The following ANO2 variants were observed in gnomAD, a reference collection of about 807,000 sequenced individuals.
ANO2 encodes anoctamin 2.
ANO2 carries 101 observed loss-of-function variants against 124.2 expected under a neutral mutation model. The observed-to-expected ratio is 0.81, with a 90% CI of 0.69 to 0.96. The LOEUF (loss-of-function observed/expected upper bound fraction) is 0.96. Among genes scored for constraint, ANO2 ranks in the 40% least tolerant of loss-of-function variants. The probability of loss-of-function intolerance (pLI) is 0.00; values close to 1 mark genes in which losing one functional copy is unlikely to be tolerated. For missense variants in ANO2, 1,293 were observed against 1,274.5 expected (o/e 1.01, Z -0.22); for synonymous variants, 486 against 482.5 (o/e 1.01, Z -0.09).
At chr12:5,619,302 G>T (rs1379217390) in intron 16 of ANO2, among the ~76,000 whole-genome samples, 1 of 152,274 alleles carries the variant, frequency 6.6e-6, no homozygotes, top group East Asian at 1.9e-4. Context: ...ACCGTATTTG[G>T]TAAAAATGTT....
intron 9 of ANO2, among the ~76,000 whole-genome samples, chr12:5,801,587 G>A (rs1591633822): frequency 6.6e-6 from 1 of 152,130 alleles, no homozygotes; most frequent in Admixed American, 6.5e-5. Context: ...GAGAACCAGC[G>A]TTCTTGCTTA....
At chr12:5,835,263 A>G (rs1429470588) in intron 4 of ANO2, among the ~76,000 whole-genome samples, 1 of 152,166 alleles carries the variant, frequency 6.6e-6, no homozygotes, top group African/African-American at 2.4e-5. Flanking sequence ...AATAGTGACA[A>G]TCTTCATGTG....
intron 23 of ANO2, among the ~76,000 whole-genome samples, chr12:5,568,461 A>C (rs1019213662): frequency 2.6e-5 from 4 of 152,156 alleles, no homozygotes; most frequent in African/African-American, 9.7e-5. Context: ...TTCACTAATG[A>C]ACCATGACTC....
chr12:5,801,181 G>T (rs533891629), intron 9 of ANO2, among the ~76,000 whole-genome samples: 2 of 152,298 alleles, frequency 1.3e-5, no homozygotes, highest in East Asian at 3.9e-4. Context: ...CAGGAGAGGG[G>T]TAGGGGCAAA....
At chr12:5,796,734 G>A (rs922796884) in intron 10 of ANO2, among the ~76,000 whole-genome samples, 1 of 152,212 alleles carries the variant, frequency 6.6e-6, no homozygotes, top group Non-Finnish European at 1.5e-5. Context: ...AGGGAAGGGT[G>A]TCTTGCCTCC....
At chr12:5,691,669 T>C (rs571931617) in intron 14 of ANO2, among the ~76,000 whole-genome samples, 2 of 152,170 alleles carry the variant, frequency 1.3e-5, no homozygotes, top group African/African-American at 4.8e-5. Context: ...TTTGGGAGGC[T>C]GAGACAGGCA....
At chr12:5,627,388 G>A (rs1283219204) in intron 16 of ANO2, among the ~76,000 whole-genome samples, 1 of 152,134 alleles carries the variant, frequency 6.6e-6, no homozygotes, top group Non-Finnish European at 1.5e-5. Flanking sequence ...CCAACTTTCA[G>A]GCCAGATTGC....
Position 5,904,424 on chromosome 12 carries a change from A to G in ANO2, c.534+16616T>C, listed in dbSNP as rs1457871073. ...GGAGGGAGAGTGATGGGAAAACCAC[A>G]TGGAAGGGAAGCCACAGAAGAGGAA... is the stretch of plus-strand genomic sequence containing the variant. On this transcript the variant is annotated intron_variant, in intron 3 of 24. Transcript: ENST00000682330. The surrounding 1 kb of genome is among the most constrained non-coding windows in gnomAD (Gnocchi z 4.1). 6.6e-6 allele frequency among the ~76,000 whole-genome samples: 1 copy of G among 152,224 alleles called. No individual in the cohort carries two copies. The highest frequency in any genetic ancestry group is 2.4e-5 in the African/African-American group (1 of 41,472).
At chr12:5,661,696 T>C (rs1947451847) in intron 14 of ANO2, among the ~76,000 whole-genome samples, 1 of 152,246 alleles carries the variant, frequency 6.6e-6, no homozygotes, top group Middle Eastern at 3.4e-3. Flanking sequence ...TGGAATCACA[T>C]GGGGGGCTTT....
At chr12:5,800,033 T>C (rs1952991660) in intron 9 of ANO2, among the ~76,000 whole-genome samples, 1 of 152,134 alleles carries the variant, frequency 6.6e-6, no homozygotes. Flanking sequence ...GAAAAATTAA[T>C]CAAGGTCAGG....
At chr12:5,795,152 G>A (rs944989363) in intron 10 of ANO2, among the ~76,000 whole-genome samples, 1 of 152,232 alleles carries the variant, frequency 6.6e-6, no homozygotes, top group African/African-American at 2.4e-5. Flanking sequence ...GCAGTAGGAG[G>A]GAGATCCCAT....
At chr12:5,922,517 C>T in intron 2 of ANO2, 103 bp downstream of exon 2, 1 of 1,291,028 alleles carries the variant, frequency 7.7e-7, no homozygotes, top group East Asian at 2.7e-5. Context: ...CTCTTTCACG[C>T]ACACATGTGC....
intron 7 of ANO2, among the ~76,000 whole-genome samples, chr12:5,820,909 C>A (rs1953774603): frequency 6.6e-6 from 1 of 152,244 alleles, no homozygotes. Context: ...ACTGACTTGG[C>A]AAATGCCTTT....
chr12:5,591,547 T>C (rs1001854177), intron 20 of ANO2, among the ~76,000 whole-genome samples: 1 of 152,156 alleles, frequency 6.6e-6, no homozygotes, highest in South Asian at 2.1e-4. Flanking sequence ...TCCAGACTTT[T>C]AGGCAGCTAA....
intron 8 of ANO2, among the ~76,000 whole-genome samples, chr12:5,806,478 A>G (rs1246791754): frequency 6.6e-6 from 1 of 152,202 alleles, no homozygotes; most frequent in East Asian, 1.9e-4. Context: ...CACTGCAAAT[A>G]TGTCAGGAAT....
At chr12:5,711,741 C>T (rs989392664) in intron 14 of ANO2, among the ~76,000 whole-genome samples, 7 of 152,132 alleles carry the variant, frequency 4.6e-5, no homozygotes, top group Admixed American at 6.5e-5. Flanking sequence ...ATAATGTGCA[C>T]GCAATCATCA....
At position 5,942,606 on chromosome 12, in the gene ANO2, C is replaced by T. The variant is rs143059173; in HGVS notation, c.22+2590G>A. On this transcript the variant is annotated intron_variant, in intron 1 of 24. Transcript: ENST00000682330. ...ACCTCTCTCCCTCTTGATCCCTCTGCTGCAGCCCTTAGCTTCCCCACAGGG... is the reference window on the plus strand; with the variant it reads ...ACCTCTCTCCCTCTTGATCCCTCTGTTGCAGCCCTTAGCTTCCCCACAGGG... 1.5e-4 allele frequency among the ~76,000 whole-genome samples: 23 copies of T among 152,248 alleles called. 1 individual carries two copies. In the East Asian group the frequency reaches 4.5e-3, roughly 29 times the overall value.
At chr12:5,762,890 T>G (rs1161932801) in intron 10 of ANO2, among the ~76,000 whole-genome samples, 1 of 152,074 alleles carries the variant, frequency 6.6e-6, no homozygotes, top group East Asian at 1.9e-4. Flanking sequence ...CAAAATAATT[T>G]ATTGTGCTTC....
intron 20 of ANO2, among the ~76,000 whole-genome samples, chr12:5,590,647 A>G (rs1270737827): frequency 2.6e-5 from 4 of 152,202 alleles, no homozygotes; most frequent in African/African-American, 9.6e-5. Context: ...GGTGGTTTCT[A>G]AAACCCAAAG....
Sources: allele counts gnomAD v4.1 joint callset (sites outside exome capture counted in the v4.1 genomes callset), GRCh38; gene constraint gnomAD v4.1.1; non-coding constraint Gnocchi (gnomAD v3.1); transcripts MANE v1.5; gene names NCBI Gene and HGNC (gene_info 2026-07-23, HGNC 2026-07-21).